Variants in MAP4 observed in about 807,000 individuals in gnomAD.
MAP4 encodes the protein microtubule associated protein 4.
MAP4 carries 76 observed loss-of-function variants against 170.2 expected under a neutral mutation model. The ratio of observed to expected loss-of-function variants is 0.45; its 90% CI spans 0.37 to 0.54. MAP4 has a LOEUF of 0.54. Ranked by LOEUF, MAP4 falls within the 20% of genes least tolerant of loss-of-function variation. The probability of loss-of-function intolerance (pLI) is 0.00; values close to 1 mark genes in which losing one functional copy is unlikely to be tolerated. For synonymous variants in MAP4, 909 were observed against 994.5 expected, an observed-to-expected ratio of 0.91 and a Z score of 1.62; for missense variants, 2,506 against 2,748.0, an observed-to-expected ratio of 0.91 and a Z score of 1.97.
intron 17 of MAP4, among the ~76,000 whole-genome samples, chr3:47,863,921 GGTGTGT>G (rs747894391): frequency 9.0e-6 from 1 of 110,790 alleles, no homozygotes; most frequent in Non-Finnish European, 1.8e-5. Flanking sequence ...TGTGGGTGTG[GGTGTGT>G]GTGTGTGTGT....
chr3:47,853,475 G>A, intron 19 of MAP4, 123 bp from the exon 20 acceptor site: 2 of 718,936 alleles, frequency 2.8e-6, no homozygotes, highest in East Asian at 2.9e-5. Flanking sequence ...CTGGCTCAAG[G>A]CACAGTCGCT....
chr3:47,869,193 G>A (rs761933101), intron 16 of MAP4, 21 bp downstream of exon 16: 6 of 1,552,534 alleles, frequency 3.9e-6, no homozygotes, highest in African/African-American at 1.4e-5. Context: ...CCTTGCAGAG[G>A]TGGGTCTAAA....
At chr3:47,937,656 C>CTTTTTTTT (rs71070243) in intron 3 of MAP4, among the ~76,000 whole-genome samples, 6 of 107,934 alleles carry the variant, frequency 5.6e-5, no homozygotes, top group East Asian at 2.6e-4. Flanking sequence ...TTTTCTTCTT[C>CTTTTTTTT]TTTTTTTTTT....
intron 1 of MAP4, among the ~76,000 whole-genome samples, chr3:48,032,094 C>T: frequency 6.6e-6 from 1 of 152,076 alleles, no homozygotes; most frequent in Admixed American, 6.6e-5. Flanking sequence ...CTCCTCAAAA[C>T]TGTCAAAGTC....
rs922430994 is a variant in MAP4 at position 47,863,909 on chromosome 3, T to TGTGTGG, written c.6501+3331_6501+3336dup. 4.9e-5 allele frequency among the ~76,000 whole-genome samples: 6 copies of TGTGTGG among 122,076 alleles called. No homozygotes were observed. In the East Asian group the frequency reaches 6.6e-4, roughly 13 times the overall value. 80.1% of individuals were successfully genotyped at this position (122,076 alleles called of 152,430 possible). On this transcript the variant is annotated intron_variant, in intron 17 of 20. Transcript: ENST00000683076. Reference sequence around the variant, plus strand: ...TAACTGCGTTATTTCTGTGTGTGTGTGTGTGGGTGTGGGTGTGTGTGTGTG... The same window carrying TGTGTGG: ...TAACTGCGTTATTTCTGTGTGTGTGTGTGTGGGTGTGGGTGTGGGTGTGTGTGTGTG...
chr3:47,853,227 G>A lies in MAP4; in HGVS notation c.6822C>T (p.Pro2274=). The A allele has an allele frequency of 6.3e-7, 1 of 1,582,632 alleles. No individual in the cohort carries two copies. Among genetic ancestry groups the A allele is most frequent in the Non-Finnish European group, 8.6e-7 (1 of 1,162,888 alleles). The change falls in exon 20 of 21, where the codon CCC becomes CCT. Residue 2274 remains proline (P), a synonymous_variant. Coordinates refer to ENST00000683076, the MANE Select transcript of MAP4 (RefSeq NM_001385682.1). ...TTTGGTCACCACCCCCTGACAGGGT[G>A]GGGTGGCCATTGAGGCCACTGGCTG... is the stretch of plus-strand genomic sequence containing the variant. ...PTSASGLNGH[P]TLSGGGDQRE... is the part of the protein sequence containing the mutation.
intron 1 of MAP4, among the ~76,000 whole-genome samples, chr3:48,030,798 CAAAAAAAAAA>C (rs71625847): frequency 5.8e-4 from 17 of 29,108 alleles, no homozygotes; most frequent in South Asian, 6.1e-3. Flanking sequence ...GACTCCATCT[CAAAAAAAAAA>C]AAAAAAAAAA....
At chr3:47,951,230 T>TA (rs1001510528) in intron 3 of MAP4, among the ~76,000 whole-genome samples, 3 of 152,250 alleles carry the variant, frequency 2.0e-5, no homozygotes, top group Admixed American at 2.0e-4. Flanking sequence ...ACATCTGTAG[T>TA]AAAATGCAAT....
intron 2 of MAP4, among the ~76,000 whole-genome samples, chr3:47,985,453 CT>C (rs879580272): frequency 4.0e-5 from 6 of 151,802 alleles, no homozygotes; most frequent in Admixed American, 3.3e-4. Flanking sequence ...TAAATAAATG[CT>C]TTTTTTTAAT....
chr3:47,916,158 G>A lies in MAP4; in HGVS notation c.1669C>T (p.Pro557Ser). Residue 557 changes from proline to serine, a missense_variant, in exon 7 of 21, where the codon CCC (proline) becomes TCC (serine). Coordinates refer to ENST00000683076, the MANE Select transcript of MAP4 (RefSeq NM_001385682.1). ...GTCAGAACCCCATCCTTAGCCAGGG[G>A]TGCTTCTGTTTTGAGGGCTGGGACC... ...DQVPALKTEA[P>S]LAKDGVLTLA... 7 of 1,614,194 alleles carry A rather than the reference G, an allele frequency of 4.3e-6. No individual in the cohort carries two copies. The highest frequency in any genetic ancestry group is 5.1e-6 in the Non-Finnish European group (6 of 1,180,036).
At chr3:48,057,637 G>GAAAAAAAAAAAAAAAAAAAAAAA (rs1176640431) in intron 1 of MAP4, among the ~76,000 whole-genome samples, 1 of 107,632 alleles carries the variant, frequency 9.3e-6, no homozygotes, top group Non-Finnish European at 1.9e-5. Context: ...AAATAAAAAA[G>GAAAAAAAAAAAAAAAAAAAAAAA]AAAAAAAAGA....
At chr3:47,967,272 T>C (rs931252572) in intron 3 of MAP4, among the ~76,000 whole-genome samples, 1 of 151,808 alleles carries the variant, frequency 6.6e-6, no homozygotes, top group African/African-American at 2.4e-5. Context: ...GAGGCGGAGG[T>C]TGCAGTGAGC....
At position 47,850,741 on chromosome 3, in the gene MAP4, C is replaced by T. The variant is rs567264648; in HGVS notation, c.*2193G>A. 6.5e-6 allele frequency: 1 copy of T among 153,390 alleles called. No homozygotes were observed. Among genetic ancestry groups the T allele is most frequent in the Admixed American group, 6.4e-5 (1 of 15,512 alleles). The allele number at this position is 153,390 out of a possible 1,614,324, so 9.5% of individuals were successfully genotyped here. ...TATTTATTTACTCTTAAAACTGTTA[C>T]AACAGAATCATGGACTGACACAGGT... On this transcript the variant is annotated 3_prime_UTR_variant, in exon 21 of 21. Transcript: ENST00000683076.
intron 3 of MAP4, among the ~76,000 whole-genome samples, chr3:47,962,423 T>C (rs1394736877): frequency 1.3e-5 from 2 of 152,190 alleles, no homozygotes; most frequent in African/African-American, 4.8e-5. Flanking sequence ...TCCTCCAAGA[T>C]ATGCAATCAG....
chr3:48,025,561 T>C (rs1332743017), intron 1 of MAP4, among the ~76,000 whole-genome samples: 1 of 151,864 alleles, frequency 6.6e-6, no homozygotes, highest in Non-Finnish European at 1.5e-5. Flanking sequence ...AGTGCTGAGA[T>C]TACAGGCATG....
chr3:47,891,029 C>G, intron 10 of MAP4: 1 of 1,479,702 alleles, frequency 6.8e-7, no homozygotes, highest in Non-Finnish European at 8.9e-7. Context: ...CATACCATCA[C>G]GTGGGGGCTT....
chr3:48,041,697 C>T (rs2100121716), intron 1 of MAP4, among the ~76,000 whole-genome samples: 1 of 152,028 alleles, frequency 6.6e-6, no homozygotes, highest in Non-Finnish European at 1.5e-5. Context: ...TGATGCGGTG[C>T]GACCCTGTGT....
intron 1 of MAP4, among the ~76,000 whole-genome samples, chr3:48,053,480 T>C (rs1255828643): frequency 6.6e-6 from 1 of 152,220 alleles, no homozygotes; most frequent in Non-Finnish European, 1.5e-5. Context: ...ATGGAAAATA[T>C]GAACAAGAAT....
intron 4 of MAP4, among the ~76,000 whole-genome samples, chr3:47,922,812 G>A (rs1025577465): frequency 1.3e-5 from 2 of 152,222 alleles, no homozygotes; most frequent in African/African-American, 2.4e-5. Flanking sequence ...CACTTTGGGA[G>A]GCCAAGGCGG....
Sources: allele counts gnomAD v4.1 joint callset (sites outside exome capture counted in the v4.1 genomes callset), GRCh38; gene constraint gnomAD v4.1.1; transcripts MANE v1.5; gene names NCBI Gene and HGNC (gene_info 2026-07-23, HGNC 2026-07-21).